The following TEP1 variants were observed in gnomAD, a reference collection of about 807,000 sequenced individuals.
TEP1 encodes telomerase associated protein 1.
A neutral mutation model predicts 306.3 loss-of-function variants in TEP1; 241 were observed. The ratio of observed to expected loss-of-function variants is 0.79; its 90% CI spans 0.71 to 0.88. The LOEUF is 0.88. TEP1 is among the 40% of genes least tolerant of loss of function. TEP1 has a pLI of 0.00. For missense variants in TEP1, 3,051 were observed against 3,276.1 expected (o/e 0.93, Z 1.68); for synonymous variants, 1,289 against 1,305.5 (o/e 0.99, Z 0.27).
chr14:20,389,336 A>G (rs1481936485), intron 16 of TEP1, 39 bp from the exon 17 acceptor site: 8 of 1,606,874 alleles, frequency 5.0e-6, no homozygotes, highest in Middle Eastern at 1.7e-4. Context: ...ATCACAAACA[A>G]TACCTGGAAC....
chr14:20,381,223 G>A lies in TEP1; in HGVS notation c.4647+90C>T. 1 of 1,380,166 alleles carries A rather than the reference G, an allele frequency of 7.2e-7. No homozygotes were observed. Among genetic ancestry groups the A allele is most frequent in the Non-Finnish European group, 1.0e-6 (1 of 967,696 alleles). The allele number at this position is 1,380,166 out of a possible 1,614,324, so 85.5% of individuals were successfully genotyped here. On this transcript the variant is annotated intron_variant, in intron 32 of 54. Transcript: ENST00000262715. This position sits in a 1 kb window ranked among gnomAD's most constrained non-coding sequence, Gnocchi z 4.0. ...GAGTTTGGGAGGGGTAATGGCGGCG[G>A]TGATGGTGGAGATGGTAACGGGGAG...
rs1566473916 is a variant in TEP1, at chr14:20,396,710, T to C, written c.1570A>G (p.Met524Val). 3.7e-6 allele frequency: 6 copies of C among 1,608,768 alleles called. No individual in the cohort carries two copies. The highest frequency in any genetic ancestry group is 5.1e-6 in the Non-Finnish European group (6 of 1,176,148). ...TTGCACAGGTTCCGAAGCATGGCCA[T>C]GAAGGGAAGCTTCCCATTTTCTGTG... ...ELIENGKLPF[M>V]AMLRNLCNLL... Residue 524 changes from methionine to valine, a missense_variant, in exon 10 of 55, where the codon ATG becomes GTG. Met to Val is a conservative substitution (Grantham distance 21). Transcript: ENST00000262715.
intron 49 of TEP1, among the ~76,000 whole-genome samples, chr14:20,372,526 A>T (rs777460686): frequency 5.9e-5 from 9 of 152,288 alleles, no homozygotes; most frequent in African/African-American, 2.2e-4. Flanking sequence ...TAACTGGTTC[A>T]TACTGCCTGG....
At chr14:20,371,890 C>A (rs1157503371) in intron 49 of TEP1, among the ~76,000 whole-genome samples, 1 of 152,158 alleles carries the variant, frequency 6.6e-6, no homozygotes. Flanking sequence ...ACCAGTAAGG[C>A]CTGTGGATGC....
intron 18 of TEP1, 81 bp downstream of exon 18, chr14:20,387,824 G>C (rs1445715928): frequency 6.7e-7 from 1 of 1,500,050 alleles, no homozygotes; most frequent in Non-Finnish European, 8.9e-7. Context: ...CACCTCACCA[G>C]CTAGAATTTC....
chr14:20,401,559 A>C lies in TEP1; in HGVS notation c.1289T>G (p.Val430Gly). ...QRKFEKAGDT[V>G]SEKKNPPRFT... ...CCTTGGAGGATTCTTTTTCTCTGACACTGTATCACCGGCCTTCTCAAACTG... is the reference window on the plus strand; with the variant it reads ...CCTTGGAGGATTCTTTTTCTCTGACCCTGTATCACCGGCCTTCTCAAACTG... The change falls in exon 8 of 55, where the codon GTG (valine) becomes GGG (glycine). Residue 430 changes from valine (V) to glycine (G), a missense_variant. Val to Gly is a moderately radical substitution (Grantham distance 109). Transcript: ENST00000262715. 1 of 1,614,150 alleles carries C rather than the reference A, an allele frequency of 6.2e-7. No homozygotes were observed. Among genetic ancestry groups the C allele is most frequent in the East Asian group, 2.2e-5 (1 of 44,874 alleles).
At position 20,371,539 on chromosome 14, in the gene TEP1, T is replaced by G; in HGVS notation, c.7170A>C (p.Ala2390=). 6.2e-7 allele frequency: 1 copy of G among 1,608,944 alleles called. No individual in the cohort carries two copies. The highest frequency in any genetic ancestry group is 1.7e-5 in the Admixed American group (1 of 57,836). Residue 2390 remains alanine (A), a synonymous_variant, in exon 50 of 55, where the codon GCA becomes GCC. Coordinates refer to ENST00000262715, the MANE Select transcript of TEP1 (RefSeq NM_007110.5). ...GCTTCATGCAAAGTAACTTCAAATCTGCTTTGGCCAAGATGAGAAAGTGAC... is the reference window on the plus strand; with the variant it reads ...GCTTCATGCAAAGTAACTTCAAATCGGCTTTGGCCAAGATGAGAAAGTGAC... ...PDGHFLILAK[A]DLKLLCMKPG... is the part of the protein sequence containing the mutation.
Position 20,410,020 on chromosome 14 carries a change from C to CAAAAAAAAAAA in TEP1, c.-24-1568_-24-1558dup, listed in dbSNP as rs570672845. Among the ~76,000 whole-genome samples the CAAAAAAAAAAA allele has an allele frequency of 1.1e-3, 67 of 58,946 alleles. 4 individuals are homozygous for CAAAAAAAAAAA. The highest frequency in any genetic ancestry group is 2.1e-3 in the African/African-American group (31 of 14,968). The allele number at this position is 58,946 out of a possible 152,430, so 38.7% of individuals were successfully genotyped here. On this transcript the variant is annotated intron_variant, in intron 1 of 54. Transcript: ENST00000262715. ...TGGGCGACAGAGCAAGACTCTGTCT[C>CAAAAAAAAAAA]AAAAAAAAAAAAAAAAAAAAAAAAA...
rs865947427 is a variant in TEP1, at chr14:20,375,690, T to C, written c.6363+65A>G. The C allele has an allele frequency of 2.1e-5, 21 of 994,590 alleles. No homozygotes were observed. The Middle Eastern group carries it at 1.4e-3, about 68-fold the overall frequency. The allele number at this position is 994,590 out of a possible 1,614,324, so 61.6% of individuals were successfully genotyped here. A position where few individuals can be genotyped will look rare whatever the true frequency, so the allele number is the denominator to read the frequency against. ...AATGGGTGCCAGAAAAAGGACGAGG[T>C]GGGGAGTGTTGTCTTGCCCCAGGAA... On this transcript the variant is annotated intron_variant, in intron 43 of 54. Transcript: ENST00000262715.
rs1360803960 is a variant in TEP1 at position 20,403,757 on chromosome 14, G to C, written c.1160C>G (p.Ala387Gly). The change falls in exon 6 of 55, where the codon GCC becomes GGC. Residue 387 changes from alanine (A) to glycine (G), a missense_variant. This residue lies in a region of TEP1 where 1,507 missense variants were observed against 1,550.5 expected (regional missense o/e 0.97). Transcript: ENST00000262715. Reference protein sequence around the residue: ...LAKYNPRKHRAKRHPRRPPRS... With the variant: ...LAKYNPRKHRGKRHPRRPPRS... Reference sequence around the variant, plus strand: ...GGGTGGCCGGCGGGGGTGTCTCTTGGCCCGGTGCTTCCGAGGGTTGTACTT... The same window carrying C: ...GGGTGGCCGGCGGGGGTGTCTCTTGCCCCGGTGCTTCCGAGGGTTGTACTT... 1.2e-6 allele frequency: 2 copies of C among 1,614,082 alleles called. No individual in the cohort carries two copies. The highest frequency in any genetic ancestry group is 1.7e-6 in the Non-Finnish European group (2 of 1,180,046).
chr14:20,396,329 T>C (rs973823275), intron 10 of TEP1, among the ~76,000 whole-genome samples: 2 of 152,200 alleles, frequency 1.3e-5, no homozygotes, highest in African/African-American at 2.4e-5. Flanking sequence ...AGACTCCTTC[T>C]GAAATCAGTT....
intron 22 of TEP1, 39 bp from the exon 23 acceptor site, chr14:20,384,547 C>T (rs199889885): frequency 4.3e-6 from 7 of 1,613,542 alleles, no homozygotes; most frequent in East Asian, 4.5e-5. Context: ...AGAGCAGGCC[C>T]GGCTCCTCTC....
chr14:20,404,733 C>T lies in TEP1; in HGVS notation c.910G>A (p.Val304Met). The T allele has an allele frequency of 6.2e-7, 1 of 1,613,700 alleles. No homozygotes were observed. Among genetic ancestry groups the T allele is most frequent in the Non-Finnish European group, 8.5e-7 (1 of 1,179,784 alleles). ...YARQQLNVRN[V>M]ANNILAIAAF... The stretch of plus-strand genomic sequence containing the variant: ...GCAATGGCCAAGATGTTATTGGCCA[C>T]ATTCCGGACGTTCAGCTGCTGCCTG... The change falls in exon 5 of 55, where the codon GTG (valine) becomes ATG (methionine). Residue 304 changes from valine (V) to methionine (M), a missense_variant. Coordinates refer to ENST00000262715, the MANE Select transcript of TEP1 (RefSeq NM_007110.5).
Position 20,368,881 on chromosome 14 carries a change from C to T in TEP1, c.7678G>A (p.Ala2560Thr). Residue 2560 changes from alanine to threonine, a missense_variant, in exon 54 of 55, where the codon GCC becomes ACC. This residue lies in a region of TEP1 where 1,540 missense variants were observed against 1,705.9 expected (regional missense o/e 0.90). Transcript: ENST00000262715. ...AGCAACTCAGGTAGCACATGGAGGGCTGTGACAGAGCCCGAGTGAATCTCA... is the reference window on the plus strand; with the variant it reads ...AGCAACTCAGGTAGCACATGGAGGGTTGTGACAGAGCCCGAGTGAATCTCA... ...RRKIHSGSVT[A>T]LHVLPELLVT... 6.2e-7 allele frequency: 1 copy of T among 1,613,926 alleles called. No individual in the cohort carries two copies. The highest frequency in any genetic ancestry group is 1.1e-5 in the South Asian group (1 of 91,014).
Position 20,381,048 on chromosome 14 carries a change from GAGA to G in TEP1, c.4648-6_4648-4del, listed in dbSNP as rs1410921426. The stretch of plus-strand genomic sequence containing the variant: ...AGTCCACGGTTCCCGCTCTGGAGCT[GAGA>G]AGGTCAGATTGAATTCATTAGGGAT... On this transcript the variant is annotated splice_region_variant and splice_polypyrimidine_tract_variant and intron_variant, in intron 32 of 54. Coordinates refer to ENST00000262715, the MANE Select transcript of TEP1 (RefSeq NM_007110.5). This position sits in a 1 kb window ranked among gnomAD's most constrained non-coding sequence, Gnocchi z 4.0. 3 of 1,612,210 alleles carry G rather than the reference GAGA, an allele frequency of 1.9e-6. No individual in the cohort carries two copies. The highest frequency in any genetic ancestry group is 2.5e-6 in the Non-Finnish European group (3 of 1,178,320).
At chr14:20,385,160 CCCTCCAGA>C in intron 20 of TEP1, 51 bp from the exon 21 acceptor site, 1 of 1,603,604 alleles carries the variant, frequency 6.2e-7, no homozygotes, top group Non-Finnish European at 8.5e-7. Flanking sequence ...CAATGACCCT[CCCTCCAGA>C]CCTGCCAAGG....
At chr14:20,386,934 A>G (rs1192881961) in intron 18 of TEP1, among the ~76,000 whole-genome samples, 1 of 151,602 alleles carries the variant, frequency 6.6e-6, no homozygotes, top group Non-Finnish European at 1.5e-5. Context: ...TCAAGAAACG[A>G]TAACTTTTTT....
chr14:20,410,471 G>A (rs1339913481), intron 1 of TEP1, among the ~76,000 whole-genome samples: 2 of 152,018 alleles, frequency 1.3e-5, no homozygotes, highest in Admixed American at 6.6e-5. Flanking sequence ...CACCCAGGCT[G>A]GAGTGCAATG....
rs1414816657 is a variant in TEP1, at chr14:20,384,951, G to A, written c.3107+34C>T. On this transcript the variant is annotated intron_variant, in intron 21 of 54. Coordinates refer to ENST00000262715, the MANE Select transcript of TEP1 (RefSeq NM_007110.5). Reference sequence around the variant, plus strand: ...AGACTGGCCTGTCTGGCCTTTTGGGGAAGGAGCCCCAGCCTGCAGGCAACA... The same window carrying A: ...AGACTGGCCTGTCTGGCCTTTTGGGAAAGGAGCCCCAGCCTGCAGGCAACA... 1.9e-6 allele frequency: 3 copies of A among 1,613,952 alleles called. No homozygotes were observed. The South Asian group carries it at 3.3e-5, about 18-fold the overall frequency.
Sources: gnomAD v4.1 joint callset for allele counts (sites outside exome capture counted in the v4.1 genomes callset) on GRCh38, gnomAD v4.1.1 for gene constraint, gnomAD v4.1.1 regional missense constraint, Gnocchi (gnomAD v3.1) non-coding constraint, MANE v1.5 for transcripts, NCBI Gene and HGNC (gene_info 2026-07-23, HGNC 2026-07-21) for gene names.